The following LRRC4C variants were observed in gnomAD, a reference collection of about 807,000 sequenced individuals.
The protein encoded by LRRC4C is leucine-rich repeat-containing protein 4C.
In LRRC4C, 5 loss-of-function variants were observed where a neutral mutation model predicts 33.6. The observed-to-expected ratio is 0.15, with a 90% CI of 0.08 to 0.31. The LOEUF (loss-of-function observed/expected upper bound fraction) is 0.31, where lower values mean the gene tolerates loss of function less well. LRRC4C is among the 10% of genes least tolerant of loss of function. LRRC4C has a pLI of 1.00. For missense variants in LRRC4C, 560 were observed against 796.7 expected, an observed-to-expected ratio of 0.70 and a Z score of 3.58; for synonymous variants, 329 against 302.0, an observed-to-expected ratio of 1.09 and a Z score of -0.93.
chr11:40,383,785 G>A (rs953502867), intron 3 of LRRC4C, among the ~76,000 whole-genome samples: 14 of 151,734 alleles, frequency 9.2e-5, no homozygotes, highest in Non-Finnish European at 1.8e-4. Flanking sequence ...CCTGGGCTGA[G>A]GTGATCTTCC....
chr11:40,860,825 C>G, intron 2 of LRRC4C, among the ~76,000 whole-genome samples: 1 of 113,532 alleles, frequency 8.8e-6, no homozygotes, highest in African/African-American at 3.3e-5. Flanking sequence ...TTCAGTGAGG[C>G]ACGATTCAAC....
chr11:40,209,619 G>A (rs545301618), intron 5 of LRRC4C, among the ~76,000 whole-genome samples: 1 of 152,028 alleles, frequency 6.6e-6, no homozygotes. Flanking sequence ...CTCGGCTCAC[G>A]GCAACCTCTG....
chr11:40,778,677 C>T (rs989738106), intron 2 of LRRC4C, among the ~76,000 whole-genome samples: 4 of 152,130 alleles, frequency 2.6e-5, no homozygotes, highest in African/African-American at 9.7e-5. Context: ...CAAGGAAAGT[C>T]TCCTTGAGGG....
chr11:40,470,802 T>A (rs1386207497), intron 3 of LRRC4C, among the ~76,000 whole-genome samples: 1 of 152,034 alleles, frequency 6.6e-6, no homozygotes, highest in African/African-American at 2.4e-5. Context: ...AAGATCAACT[T>A]AATGAAATAA....
At chr11:41,163,523 A>G (rs1287313385) in intron 1 of LRRC4C, among the ~76,000 whole-genome samples, 1 of 151,554 alleles carries the variant, frequency 6.6e-6, no homozygotes, top group Admixed American at 6.6e-5. Flanking sequence ...ACCTCAAATG[A>G]TCTGCTTACC....
chr11:40,281,450 A>ATC (rs758476845), intron 4 of LRRC4C, among the ~76,000 whole-genome samples: 1 of 151,692 alleles, frequency 6.6e-6, no homozygotes, highest in Non-Finnish European at 1.5e-5. Context: ...CTCTTTCTCA[A>ATC]TCTCTCTCTC....
chr11:41,281,102 TCTCACACACA>T (rs1285542396), intron 1 of LRRC4C, among the ~76,000 whole-genome samples: 1 of 113,440 alleles, frequency 8.8e-6, no homozygotes, highest in Non-Finnish European at 1.8e-5. Flanking sequence ...TCTCTCTCTC[TCTCACACACA>T]CACACACACA....
chr11:41,320,452 A>T (rs967219660), intron 1 of LRRC4C, among the ~76,000 whole-genome samples: 2 of 152,212 alleles, frequency 1.3e-5, no homozygotes, highest in Admixed American at 6.5e-5. Context: ...TAGAATAGTG[A>T]TTTCCATTTC....
At chr11:40,468,391 TA>T (rs1179343992) in intron 3 of LRRC4C, among the ~76,000 whole-genome samples, 4 of 152,192 alleles carry the variant, frequency 2.6e-5, no homozygotes, top group Non-Finnish European at 5.9e-5. Flanking sequence ...GTATTTTATC[TA>T]AAAGACATCA....
rs937436979 is a variant in LRRC4C at position 40,666,267 on chromosome 11, T to G, written c.-406-17989A>C. On this transcript the variant is annotated intron_variant, in intron 2 of 6. Coordinates refer to ENST00000528697, the MANE Select transcript of LRRC4C (RefSeq NM_001258419.2). ...ACAATTTATTCAAATAGAAAACCAT[T>G]TAAATTAATATTACATATTTTTATA... 7.2e-5 allele frequency among the ~76,000 whole-genome samples: 11 copies of G among 152,254 alleles called. No homozygotes were observed. In the East Asian group the frequency reaches 2.1e-3, roughly 29 times the overall value.
intron 1 of LRRC4C, among the ~76,000 whole-genome samples, chr11:41,271,310 A>G (rs919643414): frequency 4.6e-5 from 7 of 152,116 alleles, no homozygotes; most frequent in African/African-American, 1.7e-4. Context: ...GTAGAGCTGA[A>G]CAAAGCCACA....
chr11:40,941,787 A>C (rs1958157587), intron 1 of LRRC4C, among the ~76,000 whole-genome samples: 1 of 152,176 alleles, frequency 6.6e-6, no homozygotes, highest in Non-Finnish European at 1.5e-5. Context: ...GCTAAAAATA[A>C]ATGAAGTAAG....
chr11:41,126,268 G>A (rs1454622532), intron 1 of LRRC4C, among the ~76,000 whole-genome samples: 4 of 151,528 alleles, frequency 2.6e-5, no homozygotes, highest in African/African-American at 7.3e-5. Flanking sequence ...AAAAAAAATA[G>A]CTTCAGGATA....
chr11:41,244,244 G>A (rs934554486), intron 1 of LRRC4C, among the ~76,000 whole-genome samples: 10 of 150,558 alleles, frequency 6.6e-5, no homozygotes, highest in Non-Finnish European at 1.5e-4. Context: ...AAGAGGGCAG[G>A]AAAAACAAAG....
At chr11:40,151,136 T>C (rs1858170027) in intron 5 of LRRC4C, among the ~76,000 whole-genome samples, 1 of 152,172 alleles carries the variant, frequency 6.6e-6, no homozygotes, top group Non-Finnish European at 1.5e-5. Flanking sequence ...TTTTGTGGCA[T>C]TCTGTGCCTT....
Position 40,331,582 on chromosome 11 carries a change from A to G in LRRC4C, c.-269-11861T>C, listed in dbSNP as rs1283348119. 2.0e-5 allele frequency among the ~76,000 whole-genome samples: 3 copies of G among 152,244 alleles called. 1 individual carries two copies. Among genetic ancestry groups the G allele is most frequent in the Admixed American group, 2.0e-4 (3 of 15,280 alleles). On this transcript the variant is annotated intron_variant, in intron 3 of 6. Transcript: ENST00000528697. ...GAAAGTGATTAACATTTGAATTAGT[A>G]GACTGAGCAAAGAAATCTCCCCTCA...
chr11:40,498,036 AT>A (rs1590922356), intron 3 of LRRC4C, among the ~76,000 whole-genome samples: 2 of 152,342 alleles, frequency 1.3e-5, no homozygotes, highest in East Asian at 3.9e-4. Flanking sequence ...CTTACAAAAA[AT>A]ATTACATTTA....
Position 40,971,659 on chromosome 11 carries a change from C to T in LRRC4C, c.-495-37936G>A, listed in dbSNP as rs150201246. On this transcript the variant is annotated intron_variant, in intron 1 of 6. Transcript: ENST00000528697. ...GCATCTGTGAGAATACGGCCATCAC[C>T]CTCTAGACCCCAGAATGGTAGATCC... Among the ~76,000 whole-genome samples, 194 of 152,226 alleles carry T rather than the reference C, an allele frequency of 1.3e-3. 1 individual carries two copies. Among genetic ancestry groups the T allele is most frequent in the East Asian group, 9.3e-3 (48 of 5,160 alleles).
chr11:41,404,293 T>C (rs929095712), intron 1 of LRRC4C, among the ~76,000 whole-genome samples: 2 of 151,958 alleles, frequency 1.3e-5, no homozygotes, highest in African/African-American at 2.4e-5. Context: ...TCTGATTAAT[T>C]TTTCTAAATG....
Sources: allele counts gnomAD v4.1 joint callset (sites outside exome capture counted in the v4.1 genomes callset), GRCh38; gene constraint gnomAD v4.1.1; transcripts MANE v1.5; gene names NCBI Gene and HGNC (gene_info 2026-07-23, HGNC 2026-07-21).